Variants in KRABD3 observed in about 807,000 individuals in gnomAD.
KRABD3 encodes KRAB domain containing 3.
the KRABD3 span, chr7:149,722,472 G>A: frequency 6.2e-7 from 1 of 1,607,834 alleles, no homozygotes; most frequent in Non-Finnish European, 8.5e-7. Flanking sequence ...AGGAGCCCTG[G>A]GCGGGGAGCC....
At chr7:149,714,982 G>C in the KRABD3 span, 21 of 1,188,524 alleles carry the variant, frequency 1.8e-5, no homozygotes, top group Non-Finnish European at 2.2e-5. Flanking sequence ...GGCCGCCGCC[G>C]ACGAGGGTCG....
the KRABD3 span, chr7:149,721,744 C>A: frequency 6.6e-5 from 47 of 714,820 alleles, 3 homozygotes; most frequent in South Asian, 7.0e-4. Flanking sequence ...TGATGCTCAG[C>A]CCCTGGGGAG....
At chr7:149,722,114 C>T in the KRABD3 span, 2 of 446,838 alleles carry the variant, frequency 4.5e-6, no homozygotes, top group Admixed American at 3.6e-5. Context: ...TCTGTGTGCC[C>T]TGTGTGTGCC....
the KRABD3 span, chr7:149,715,215 G>A: frequency 8.2e-7 from 1 of 1,216,906 alleles, no homozygotes; most frequent in Non-Finnish European, 1.0e-6. Flanking sequence ...GGGAAGTTCA[G>A]GTCCTCGGAC....
chr7:149,723,802 G>A, the KRABD3 span: 9 of 1,613,856 alleles, frequency 5.6e-6, no homozygotes, highest in East Asian at 2.2e-5. Context: ...GGAGCTCCCC[G>A]AGGCCCAGGA....
the KRABD3 span, chr7:149,719,595 G>A: frequency 1.2e-6 from 2 of 1,603,682 alleles, no homozygotes; most frequent in African/African-American, 2.7e-5. The surrounding 1 kb of genome is among the most constrained non-coding windows in gnomAD (Gnocchi z 5.6). Flanking sequence ...GAGGAGGAGT[G>A]GCGGCTCCTG....
the KRABD3 span, among the ~76,000 whole-genome samples, chr7:149,720,389 A>T: frequency 6.6e-6 from 1 of 151,890 alleles, no homozygotes; most frequent in East Asian, 1.9e-4. Context: ...TATCACAGCC[A>T]CCCCTGCAGA....
chr7:149,730,746 C>G, the KRABD3 span: 3 of 784,054 alleles, frequency 3.8e-6, no homozygotes, highest in East Asian at 8.1e-5. Context: ...GGCGGGGCTG[C>G]TGGGGGTGCT....
At chr7:149,732,607 G>A in the KRABD3 span, among the ~76,000 whole-genome samples, 3 of 147,458 alleles carry the variant, frequency 2.0e-5, no homozygotes, top group African/African-American at 7.6e-5. This position sits in a 1 kb window ranked among gnomAD's most constrained non-coding sequence, Gnocchi z 4.0. Context: ...AGGATTAGGT[G>A]ATCTTTTTTT....
At chr7:149,726,837 G>A in the KRABD3 span, among the ~76,000 whole-genome samples, 2 of 152,224 alleles carry the variant, frequency 1.3e-5, no homozygotes, top group East Asian at 1.9e-4. Context: ...GAGCCCCAGC[G>A]TTTGAGGCTG....
the KRABD3 span, chr7:149,721,974 G>A: frequency 2.7e-6 from 1 of 367,936 alleles, no homozygotes; most frequent in Non-Finnish European, 5.2e-6. Flanking sequence ...CACAAATTTT[G>A]CATGTCTGTT....
At chr7:149,719,443 G>T in the KRABD3 span, 1 of 1,237,372 alleles carries the variant, frequency 8.1e-7, no homozygotes, top group Non-Finnish European at 1.1e-6. This position sits in a 1 kb window ranked among gnomAD's most constrained non-coding sequence, Gnocchi z 5.6. Flanking sequence ...TATTATCCTG[G>T]AGTGTGCGCC....
the KRABD3 span, chr7:149,722,965 T>C: frequency 6.4e-7 from 1 of 1,565,976 alleles, no homozygotes; most frequent in Non-Finnish European, 8.6e-7. Flanking sequence ...AGGTGAGTTC[T>C]GGGGCCTCAG....
the KRABD3 span, chr7:149,721,371 TC>T: frequency 6.3e-7 from 1 of 1,578,256 alleles, no homozygotes; most frequent in Admixed American, 1.8e-5. Context: ...TCTCCCTCTT[TC>T]CCGACAGCAG....
At chr7:149,723,967 C>T in the KRABD3 span, 2 of 1,505,364 alleles carry the variant, frequency 1.3e-6, no homozygotes, top group Non-Finnish European at 1.8e-6. Flanking sequence ...GTAGGTGGCC[C>T]CCACCACAAA....
chr7:149,721,032 C>T, the KRABD3 span: 1 of 1,605,182 alleles, frequency 6.2e-7, no homozygotes. Flanking sequence ...CTCCTCTGCA[C>T]TCCGCATGAT....
chr7:149,732,096 TCA>T, the KRABD3 span, among the ~76,000 whole-genome samples: 1 of 152,198 alleles, frequency 6.6e-6, no homozygotes, highest in African/African-American at 2.4e-5. The surrounding 1 kb of genome is among the most constrained non-coding windows in gnomAD (Gnocchi z 4.0). Flanking sequence ...TGGCTCCATG[TCA>T]CACACGTGCC....
At chr7:149,723,108 C>G in the KRABD3 span, among the ~76,000 whole-genome samples, 1 of 152,234 alleles carries the variant, frequency 6.6e-6, no homozygotes, top group African/African-American at 2.4e-5. Context: ...AGGTGGCTCT[C>G]TTAAGGGCAG....
chr7:149,722,563 G>A, the KRABD3 span: 15 of 1,607,272 alleles, frequency 9.3e-6, no homozygotes, highest in South Asian at 3.3e-5. Flanking sequence ...GGTGAGAGGC[G>A]GGCTTTCCTT....
Sources: allele counts gnomAD v4.1 joint callset (sites outside exome capture counted in the v4.1 genomes callset), GRCh38; gene constraint gnomAD v4.1.1; non-coding constraint Gnocchi (gnomAD v3.1); transcripts MANE v1.5; gene names NCBI Gene and HGNC (gene_info 2026-07-23, HGNC 2026-07-21).